The following SNTG1 variants were observed in gnomAD, a reference collection of about 807,000 sequenced individuals.
SNTG1 encodes syntrophin gamma 1, also known as gamma-1-syntrophin.
Under a neutral mutation model 74.7 loss-of-function variants are expected in SNTG1, and 39 were observed. The observed-to-expected ratio is 0.52, with a 90% CI of 0.40 to 0.68. The LOEUF is 0.68. SNTG1 is among the 30% of genes least tolerant of loss of function. SNTG1 has a pLI of 0.00. For missense variants in SNTG1, 685 were observed against 609.5 expected, an observed-to-expected ratio of 1.12 and a Z score of -1.30; for synonymous variants, 254 against 217.1, an observed-to-expected ratio of 1.17 and a Z score of -1.49.
chr8:50,136,844 G>A (rs1456932869), intron 1 of SNTG1, among the ~76,000 whole-genome samples: 3 of 152,074 alleles, frequency 2.0e-5, no homozygotes, highest in Non-Finnish European at 4.4e-5. Flanking sequence ...AGGGGTCAGG[G>A]TTGGGACCCA....
At chr8:50,071,843 T>C (rs1001218957) in intron 1 of SNTG1, among the ~76,000 whole-genome samples, 46 of 151,636 alleles carry the variant, frequency 3.0e-4, no homozygotes, top group African/African-American at 1.1e-3. Context: ...AGATTAATTA[T>C]GCAACAATAA....
chr8:50,173,176 A>C (rs968837225), intron 2 of SNTG1, among the ~76,000 whole-genome samples: 4 of 152,178 alleles, frequency 2.6e-5, no homozygotes, highest in Non-Finnish European at 5.9e-5. Context: ...TAGTACAATG[A>C]ATCAAATTCC....
chr8:50,060,774 T>C (rs762743080), intron 1 of SNTG1, among the ~76,000 whole-genome samples: 14 of 152,134 alleles, frequency 9.2e-5, no homozygotes, highest in Non-Finnish European at 1.8e-4. Flanking sequence ...CCTATGGATA[T>C]GTTTTGAGAT....
At chr8:50,260,852 A>G (rs553209788) in intron 2 of SNTG1, among the ~76,000 whole-genome samples, 1 of 152,262 alleles carries the variant, frequency 6.6e-6, no homozygotes, top group East Asian at 1.9e-4. Context: ...ATGATTGAAG[A>G]AAGGAGATCA....
chr8:50,275,064 G>T (rs905225740), intron 2 of SNTG1, among the ~76,000 whole-genome samples: 1 of 151,852 alleles, frequency 6.6e-6, no homozygotes, highest in Non-Finnish European at 1.5e-5. Flanking sequence ...TTGGCATTAC[G>T]GTAATGCTGG....
intron 2 of SNTG1, among the ~76,000 whole-genome samples, chr8:50,204,821 T>C (rs2084140294): frequency 6.6e-6 from 1 of 152,132 alleles, no homozygotes; most frequent in African/African-American, 2.4e-5. Flanking sequence ...CATGCGGTGT[T>C]TGGTTTTCTG....
At chr8:50,185,919 G>C (rs1490546617) in intron 2 of SNTG1, among the ~76,000 whole-genome samples, 1 of 151,670 alleles carries the variant, frequency 6.6e-6, no homozygotes, top group Non-Finnish European at 1.5e-5. Flanking sequence ...ATGGTGGTTT[G>C]TTTGCTGCAC....
intron 1 of SNTG1, among the ~76,000 whole-genome samples, chr8:50,061,193 G>A (rs1048876724): frequency 2.6e-5 from 4 of 152,070 alleles, no homozygotes; most frequent in South Asian, 4.1e-4. Flanking sequence ...TTTACTGGGG[G>A]AAAGATTTTA....
At chr8:50,135,890 C>A (rs995451855) in intron 1 of SNTG1, among the ~76,000 whole-genome samples, 2 of 152,052 alleles carry the variant, frequency 1.3e-5, no homozygotes, top group Admixed American at 1.3e-4. Flanking sequence ...TTTTTTGATC[C>A]TCACCCTCCT....
At chr8:50,634,255 A>T (rs2095023923) in intron 13 of SNTG1, among the ~76,000 whole-genome samples, 1 of 152,216 alleles carries the variant, frequency 6.6e-6, no homozygotes, top group Non-Finnish European at 1.5e-5. Flanking sequence ...TTGGTCTGCC[A>T]CTTGGAAAGC....
intron 1 of SNTG1, among the ~76,000 whole-genome samples, chr8:50,161,733 C>CA (rs2082423053): frequency 6.9e-6 from 1 of 144,818 alleles, no homozygotes; most frequent in African/African-American, 2.6e-5. Flanking sequence ...AGCATTCCCA[C>CA]AAAAAAGGTA....
At chr8:50,575,568 T>G (rs1449466567) in intron 12 of SNTG1, 1 of 152,240 alleles carries the variant, frequency 6.6e-6, no homozygotes, top group African/African-American at 2.4e-5. Flanking sequence ...GCATGTTGGG[T>G]GCCAAATTTC....
At chr8:50,071,815 T>TAA (rs10657455) in intron 1 of SNTG1, among the ~76,000 whole-genome samples, 33,165 of 145,126 alleles carry the variant, frequency 0.23, 3,742 homozygotes, top group South Asian at 0.38. Flanking sequence ...ATACTAGTAC[T>TAA]AAAAAAAAAA....
chr8:50,196,813 A>C (rs181338949), intron 2 of SNTG1, among the ~76,000 whole-genome samples: 68 of 151,620 alleles, frequency 4.5e-4, no homozygotes, highest in Non-Finnish European at 2.2e-4. Flanking sequence ...AAAAAAAAAA[A>C]AACAAAAAAA....
chr8:50,002,433 G>T (rs865832789), intron 1 of SNTG1, among the ~76,000 whole-genome samples: 1 of 152,138 alleles, frequency 6.6e-6, no homozygotes. Flanking sequence ...CTGTGAGTTG[G>T]TTTATATATT....
chr8:50,771,635 T>C (rs1348400133), intron 18 of SNTG1, among the ~76,000 whole-genome samples: 7 of 152,084 alleles, frequency 4.6e-5, no homozygotes, highest in African/African-American at 1.7e-4. Context: ...GAGATTAGCA[T>C]GGCTGAAAGG....
At chr8:50,565,761 C>T (rs1230823558) in intron 12 of SNTG1, among the ~76,000 whole-genome samples, 4 of 151,954 alleles carry the variant, frequency 2.6e-5, no homozygotes, top group East Asian at 1.9e-4. Context: ...GAAATTACAA[C>T]ATTCATAGAT....
At chr8:50,145,430 T>A (rs1223989249) in intron 1 of SNTG1, among the ~76,000 whole-genome samples, 3 of 152,208 alleles carry the variant, frequency 2.0e-5, no homozygotes, top group African/African-American at 7.2e-5. Flanking sequence ...ACATAACTAT[T>A]TATTATTCAA....
chr8:49,918,781 A>T (rs1157658943), intron 1 of SNTG1, among the ~76,000 whole-genome samples: 2 of 152,094 alleles, frequency 1.3e-5, no homozygotes, highest in East Asian at 1.9e-4. Flanking sequence ...ACAATTCTGC[A>T]GTTATTGATG....
Sources: allele counts gnomAD v4.1 joint callset (sites outside exome capture counted in the v4.1 genomes callset), GRCh38; gene constraint gnomAD v4.1.1; transcripts MANE v1.5; gene names NCBI Gene and HGNC (gene_info 2026-07-23, HGNC 2026-07-21).